DENND1B: variants seen among roughly 807,000 people sequenced by gnomAD.
The protein encoded by DENND1B is DENN domain-containing protein 1B.
A neutral mutation model predicts 90.1 loss-of-function variants in DENND1B; 59 were observed. That is an observed-to-expected ratio of 0.65 (90% CI 0.53 to 0.81). The LOEUF is 0.81. Among genes scored for constraint, DENND1B ranks in the 40% least tolerant of loss-of-function variants. The pLI is 0.00. For missense variants in DENND1B, 862 were observed against 912.6 expected (o/e 0.94, Z 0.71); for synonymous variants, 337 against 324.6 (o/e 1.04, Z -0.41).
intron 3 of DENND1B, among the ~76,000 whole-genome samples, chr1:197,700,842 A>T (rs1658950653): frequency 6.6e-6 from 1 of 152,202 alleles, no homozygotes; most frequent in Non-Finnish European, 1.5e-5. Flanking sequence ...AAAGCTTAAC[A>T]TCACTGATCA....
At chr1:197,600,601 C>A (rs1050896997) in intron 13 of DENND1B, among the ~76,000 whole-genome samples, 1 of 151,780 alleles carries the variant, frequency 6.6e-6, no homozygotes, top group African/African-American at 2.4e-5. Context: ...TAGAGAAATA[C>A]ATTTCTATTT....
intron 10 of DENND1B, among the ~76,000 whole-genome samples, chr1:197,634,880 A>T (rs1679638066): frequency 6.6e-6 from 1 of 152,188 alleles, no homozygotes; most frequent in African/African-American, 2.4e-5. Context: ...AGTCCCAGCT[A>T]CTTGGGAGGC....
chr1:197,664,903 T>C (rs1049459526), intron 5 of DENND1B, among the ~76,000 whole-genome samples: 2 of 152,120 alleles, frequency 1.3e-5, no homozygotes, highest in Non-Finnish European at 2.9e-5. Flanking sequence ...TCTTCCTTAT[T>C]GGAGTATTTC....
intron 20 of DENND1B, among the ~76,000 whole-genome samples, chr1:197,514,804 G>A (rs933578124): frequency 6.6e-5 from 10 of 151,506 alleles, no homozygotes; most frequent in African/African-American, 2.2e-4. Flanking sequence ...ACTCAGAAGT[G>A]TTTAGTAAGT....
At chr1:197,551,122 AGATG>A (rs1671208323) in intron 16 of DENND1B, among the ~76,000 whole-genome samples, 2 of 151,552 alleles carry the variant, frequency 1.3e-5, no homozygotes, top group Non-Finnish European at 2.9e-5. Flanking sequence ...CCCCCTAGAT[AGATG>A]GATATCTTCT....
intron 13 of DENND1B, among the ~76,000 whole-genome samples, chr1:197,602,773 C>T (rs779692338): frequency 4.0e-5 from 6 of 151,414 alleles, no homozygotes; most frequent in Non-Finnish European, 8.9e-5. Flanking sequence ...AACTAATTCT[C>T]TCAAACTTAT....
At chr1:197,616,797 G>A (rs148982006) in intron 11 of DENND1B, among the ~76,000 whole-genome samples, 6 of 151,194 alleles carry the variant, frequency 4.0e-5, no homozygotes, top group African/African-American at 1.2e-4. Context: ...AACACATTAA[G>A]GTCAAAATTG....
chr1:197,545,425 G>A (rs1200359692), intron 18 of DENND1B: 1 of 154,764 alleles, frequency 6.5e-6, no homozygotes, highest in African/African-American at 2.4e-5. Context: ...AAGAATTTGT[G>A]TTGGGCCACA....
intron 1 of DENND1B, among the ~76,000 whole-genome samples, chr1:197,773,537 A>G (rs561908583): frequency 6.6e-6 from 1 of 152,362 alleles, no homozygotes; most frequent in South Asian, 2.1e-4. Context: ...TTAAAGTAGC[A>G]AACTATTCAT....
chr1:197,755,716 G>A (rs1654193353), intron 2 of DENND1B, among the ~76,000 whole-genome samples: 1 of 152,164 alleles, frequency 6.6e-6, no homozygotes, highest in African/African-American at 2.4e-5. Context: ...CCACATGGCT[G>A]GGGAGGCCTC....
At chr1:197,767,303 C>A (rs879430735) in intron 2 of DENND1B, among the ~76,000 whole-genome samples, 2 of 151,702 alleles carry the variant, frequency 1.3e-5, no homozygotes, top group Non-Finnish European at 2.9e-5. Context: ...CAAGCAGAAG[C>A]AAAATGTTGT....
intron 14 of DENND1B, among the ~76,000 whole-genome samples, chr1:197,594,494 T>C (rs767870691): frequency 2.4e-4 from 37 of 152,150 alleles, no homozygotes; most frequent in Non-Finnish European, 4.0e-4. Flanking sequence ...TATTACTAAA[T>C]CAATGGTTTT....
chr1:197,512,589 G>A (rs1444379661), intron 21 of DENND1B, among the ~76,000 whole-genome samples: 1 of 151,516 alleles, frequency 6.6e-6, no homozygotes, highest in Non-Finnish European at 1.5e-5. Context: ...ATGAGTAAGA[G>A]CCTAATTTAG....
chr1:197,580,087 CTTT>C (rs139056668), intron 15 of DENND1B, among the ~76,000 whole-genome samples: 18 of 76,758 alleles, frequency 2.3e-4, no homozygotes, highest in African/African-American at 7.8e-4. Context: ...TTCTTTCTTT[CTTT>C]TTTTTTTTTT....
intron 3 of DENND1B, among the ~76,000 whole-genome samples, chr1:197,704,550 C>A (rs535498038): frequency 1.3e-5 from 2 of 152,044 alleles, no homozygotes; most frequent in African/African-American, 4.8e-5. Context: ...AAACCCTCCA[C>A]TGTATCAAAA....
intron 6 of DENND1B, among the ~76,000 whole-genome samples, chr1:197,654,149 T>A (rs983027351): frequency 6.6e-6 from 1 of 152,280 alleles, no homozygotes; most frequent in Admixed American, 6.5e-5. Context: ...AATTACATTA[T>A]AAAAAATTGG....
intron 2 of DENND1B, among the ~76,000 whole-genome samples, chr1:197,772,281 C>T (rs568335925): frequency 6.6e-6 from 1 of 152,134 alleles, no homozygotes; most frequent in South Asian, 2.1e-4. Flanking sequence ...ATAACTTTAC[C>T]AACGAATGGT....
intron 7 of DENND1B, among the ~76,000 whole-genome samples, chr1:197,648,527 A>G (rs1680932747): frequency 6.6e-6 from 1 of 152,222 alleles, no homozygotes; most frequent in African/African-American, 2.4e-5. Context: ...TTTCTCATTA[A>G]TGCCACCTCC....
chr1:197,655,747 T>C (rs1653751535), intron 6 of DENND1B, among the ~76,000 whole-genome samples: 1 of 152,100 alleles, frequency 6.6e-6, no homozygotes, highest in African/African-American at 2.4e-5. Flanking sequence ...TGAGCCAGGA[T>C]GGTCTCGATC....
Sources: allele counts gnomAD v4.1 joint callset (sites outside exome capture counted in the v4.1 genomes callset), GRCh38; gene constraint gnomAD v4.1.1; transcripts MANE v1.5; gene names NCBI Gene and HGNC (gene_info 2026-07-23, HGNC 2026-07-21).